The following CERS3 variants were observed in gnomAD, a reference collection of about 807,000 sequenced individuals.
CERS3 encodes LAG1 homolog, ceramide synthase 3.
In CERS3, 33 loss-of-function variants were observed where a neutral mutation model predicts 50.3. The observed-to-expected ratio is 0.66, with a 90% confidence interval of 0.50 to 0.88. The LOEUF is 0.88. CERS3 is among the 40% of genes least tolerant of loss of function. CERS3 has a pLI of 0.00. For synonymous variants in CERS3, 176 were observed against 155.2 expected, an observed-to-expected ratio of 1.13 and a Z score of -0.99; for missense variants, 470 against 460.3, an observed-to-expected ratio of 1.02 and a Z score of -0.19.
intron 6 of CERS3, 25 bp from the exon 7 acceptor site, chr15:100,479,503 C>A: frequency 6.4e-7 from 1 of 1,566,862 alleles, no homozygotes; most frequent in Non-Finnish European, 8.6e-7. Flanking sequence ...AAAAAAAGAG[C>A]CAACAGATGA....
chr15:100,532,714 G>A (rs75225075), upstream of CERS3, among the ~76,000 whole-genome samples: 33 of 152,210 alleles, frequency 2.2e-4, 1 homozygote, highest in East Asian at 5.4e-3. Context: ...AGCTGTAATC[G>A]GCCCAATACA....
intron 10 of CERS3, 134 bp from the exon 11 acceptor site, chr15:100,456,180 G>C: frequency 1.9e-6 from 1 of 533,612 alleles, no homozygotes; most frequent in Non-Finnish European, 3.1e-6. Context: ...ATTATCAAAA[G>C]AAAAGATACG....
chr15:100,409,596 C>T (rs78685865), intron 11 of CERS3, among the ~76,000 whole-genome samples: 55 of 152,250 alleles, frequency 3.6e-4, no homozygotes, highest in African/African-American at 1.2e-3. Context: ...CACTAGAGGT[C>T]GAGCCTTGGT....
At chr15:100,421,623 C>A (rs942351816) in intron 11 of CERS3, among the ~76,000 whole-genome samples, 2 of 149,218 alleles carry the variant, frequency 1.3e-5, no homozygotes, top group African/African-American at 2.5e-5. Context: ...CCCGCATCGC[C>A]AAGTCAATCC....
chr15:100,524,759 G>T (rs1365813756), intron 1 of CERS3, among the ~76,000 whole-genome samples: 1 of 152,172 alleles, frequency 6.6e-6, no homozygotes, highest in South Asian at 2.1e-4. Context: ...CATTATTGAA[G>T]AAAATGTTTT....
At chr15:100,440,217 A>C (rs1001592317) in intron 11 of CERS3, among the ~76,000 whole-genome samples, 1 of 152,134 alleles carries the variant, frequency 6.6e-6, no homozygotes, top group Admixed American at 6.5e-5. Context: ...AACTTGTCTC[A>C]GTTACTTCGA....
At chr15:100,427,911 C>T (rs1228003284) in intron 11 of CERS3, among the ~76,000 whole-genome samples, 1 of 152,076 alleles carries the variant, frequency 6.6e-6, no homozygotes, top group Non-Finnish European at 1.5e-5. Flanking sequence ...GTAAAGAGGT[C>T]AGGTGGTGAA....
At chr15:100,482,727 C>T (rs993609410) in intron 5 of CERS3, among the ~76,000 whole-genome samples, 2 of 152,080 alleles carry the variant, frequency 1.3e-5, no homozygotes, top group African/African-American at 4.8e-5. Flanking sequence ...TGCCTGGGGG[C>T]TCATCCCTCT....
chr15:100,412,305 C>A (rs1250901507), intron 11 of CERS3, among the ~76,000 whole-genome samples: 1 of 152,096 alleles, frequency 6.6e-6, no homozygotes, highest in African/African-American at 2.4e-5. Flanking sequence ...TTTCCCAGCA[C>A]CATTTGTCGA....
At chr15:100,544,348 G>A (rs1359242827) in intron 1 of CERS3, 1 of 152,282 alleles carries the variant, frequency 6.6e-6, no homozygotes, top group East Asian at 1.9e-4. Flanking sequence ...GGGGACTCTG[G>A]GCCTTGACCT....
At chr15:100,544,388 T>G (rs1006735602) in intron 1 of CERS3, 3 of 126,720 alleles carry the variant, frequency 2.4e-5, no homozygotes, top group Admixed American at 7.8e-5. Context: ...CTCTCGGCCT[T>G]GACCTCCGCG....
Position 100,467,874 on chromosome 15 carries a change from G to GATATAGATATAGAT in CERS3, c.845+1503_845+1504insATCTATATCTATAT, listed in dbSNP as rs1555528343. On this transcript the variant is annotated intron_variant, in intron 10 of 11. Transcript: ENST00000679737. ...ATATAGATAGATAGATAGATAGATA[G>GATATAGATATAGAT]ATAGATATAGATATAGATATAGATA... is the stretch of plus-strand genomic sequence containing the variant. Among the ~76,000 whole-genome samples, 32 of 46,010 alleles carry GATATAGATATAGAT rather than the reference G, an allele frequency of 7.0e-4. 1 individual carries two copies. The highest frequency in any genetic ancestry group is 1.7e-3 in the African/African-American group (32 of 19,128). 30.2% of individuals were successfully genotyped at this position (46,010 alleles called of 152,430 possible).
upstream of CERS3, among the ~76,000 whole-genome samples, chr15:100,532,714 G>C: frequency 6.6e-6 from 1 of 152,210 alleles, no homozygotes; most frequent in South Asian, 2.1e-4. Context: ...AGCTGTAATC[G>C]GCCCAATACA....
At chr15:100,423,194 G>A (rs2411372) in intron 11 of CERS3, among the ~76,000 whole-genome samples, 85,792 of 152,008 alleles carry the variant, frequency 0.56, 24,473 homozygotes, top group Non-Finnish European at 0.6. Context: ...TTTGGCCACT[G>A]TGGAAAGCAT....
intron 2 of CERS3, among the ~76,000 whole-genome samples, chr15:100,509,866 T>C (rs1285657338): frequency 6.6e-6 from 1 of 152,226 alleles, no homozygotes; most frequent in African/African-American, 2.4e-5. Flanking sequence ...CAAAGAGTGA[T>C]GCTTCAGCCA....
At chr15:100,467,850 T>TATATATATAGATAGATAG (rs145899470) in intron 10 of CERS3, among the ~76,000 whole-genome samples, 1 of 93,136 alleles carries the variant, frequency 1.1e-5, no homozygotes, top group African/African-American at 3.7e-5. Flanking sequence ...TATATATATA[T>TATATATATAGATAGATAG]ATAGATAGAT....
chr15:100,527,143 A>T (rs536907936), intron 1 of CERS3, among the ~76,000 whole-genome samples: 1 of 152,028 alleles, frequency 6.6e-6, no homozygotes, highest in South Asian at 2.1e-4. Flanking sequence ...AAAACTACAA[A>T]AAAATTAGCT....
intron 11 of CERS3, among the ~76,000 whole-genome samples, chr15:100,441,473 G>A (rs997572460): frequency 2.0e-5 from 3 of 148,092 alleles, no homozygotes; most frequent in Non-Finnish European, 3.0e-5. Context: ...AAAAACACCC[G>A]AACCCCTTCC....
intron 11 of CERS3, among the ~76,000 whole-genome samples, chr15:100,438,501 A>G (rs2033533473): frequency 6.6e-6 from 1 of 152,060 alleles, no homozygotes; most frequent in Non-Finnish European, 1.5e-5. Context: ...CTAGTTATTA[A>G]TTTTTTTACC....
Sources: allele counts gnomAD v4.1 joint callset (sites outside exome capture counted in the v4.1 genomes callset), GRCh38; gene constraint gnomAD v4.1.1; transcripts MANE v1.5; gene names NCBI Gene and HGNC (gene_info 2026-07-23, HGNC 2026-07-21).